The following DOK6 variants were observed in gnomAD, a reference collection of about 807,000 sequenced individuals.
DOK6 encodes docking protein 6.
Under a neutral mutation model 44.0 loss-of-function variants are expected in DOK6, and 22 were observed. That is an observed-to-expected ratio of 0.50 (90% CI 0.36 to 0.71). The LOEUF (loss-of-function observed/expected upper bound fraction) is 0.71, where lower values mean the gene tolerates loss of function less well. Ranked by LOEUF, DOK6 falls within the 30% of genes least tolerant of loss-of-function variation. The pLI is 0.00. For synonymous variants in DOK6, 166 were observed against 145.5 expected, an observed-to-expected ratio of 1.14 and a Z score of -1.01; for missense variants, 340 against 416.4, an observed-to-expected ratio of 0.82 and a Z score of 1.60.
intron 1 of DOK6, among the ~76,000 whole-genome samples, chr18:69,432,820 G>T (rs972510350): frequency 1.3e-5 from 2 of 152,066 alleles, no homozygotes; most frequent in African/African-American, 4.8e-5. Flanking sequence ...ATTTTAAAAA[G>T]ATTTCATTAG....
intron 2 of DOK6, among the ~76,000 whole-genome samples, chr18:69,587,853 T>C (rs901190504): frequency 3.3e-5 from 5 of 152,082 alleles, no homozygotes; most frequent in Admixed American, 6.6e-5. Context: ...ACTGATTTTC[T>C]GTATTTCCCA....
At chr18:69,751,226 T>A (rs999710676) in intron 6 of DOK6, among the ~76,000 whole-genome samples, 2 of 152,188 alleles carry the variant, frequency 1.3e-5, no homozygotes, top group East Asian at 1.9e-4. Context: ...ATTGTACATT[T>A]CAAAATTACC....
At chr18:69,510,074 T>TA (rs1981323105) in intron 1 of DOK6, among the ~76,000 whole-genome samples, 2 of 152,250 alleles carry the variant, frequency 1.3e-5, no homozygotes. Context: ...ACTACTTTGC[T>TA]AGGAGACTAA....
chr18:69,717,408 G>T (rs1185193239), intron 5 of DOK6, among the ~76,000 whole-genome samples: 1 of 152,104 alleles, frequency 6.6e-6, no homozygotes, highest in Non-Finnish European at 1.5e-5. Flanking sequence ...CTTAATAAGT[G>T]CTTATAAACA....
chr18:69,629,855 A>AATT, intron 3 of DOK6, among the ~76,000 whole-genome samples: 1 of 152,242 alleles, frequency 6.6e-6, no homozygotes. Context: ...CAGTGATGCG[A>AATT]TCTCAGCTCA....
intron 3 of DOK6, among the ~76,000 whole-genome samples, chr18:69,606,044 G>A (rs1250943058): frequency 6.6e-6 from 1 of 152,096 alleles, no homozygotes; most frequent in East Asian, 1.9e-4. Flanking sequence ...GGCCGAGGCA[G>A]GCAAATTACC....
chr18:69,505,004 G>A (rs369328750), intron 1 of DOK6, among the ~76,000 whole-genome samples: 1 of 152,062 alleles, frequency 6.6e-6, no homozygotes. Context: ...TTCACGTAAC[G>A]TTTATGATTG....
chr18:69,730,721 A>G (rs1978372455), intron 5 of DOK6, among the ~76,000 whole-genome samples: 1 of 152,242 alleles, frequency 6.6e-6, no homozygotes, highest in South Asian at 2.1e-4. Context: ...CATCTAGGTG[A>G]TTGCATTTGA....
chr18:69,663,895 A>C (rs766691746), intron 3 of DOK6, among the ~76,000 whole-genome samples: 2 of 152,224 alleles, frequency 1.3e-5, no homozygotes, highest in Non-Finnish European at 2.9e-5. Flanking sequence ...CAAGAGGACA[A>C]ATCCCATTCA....
rs529181573 is a variant in DOK6 at position 69,597,112 on chromosome 18, C to T, written c.175-2272C>T. ...ATATGATGTAATGTTGGGTTTGTAA[C>T]ATTTATATTAATAGATGCAATATGT... On this transcript the variant is annotated intron_variant, in intron 2 of 7. Coordinates refer to ENST00000382713, the MANE Select transcript of DOK6 (RefSeq NM_152721.6). 1.5e-4 allele frequency among the ~76,000 whole-genome samples: 23 copies of T among 151,798 alleles called. No homozygotes were observed. The South Asian group carries it at 4.8e-3, about 32-fold the overall frequency.
intron 1 of DOK6, among the ~76,000 whole-genome samples, chr18:69,423,300 T>C (rs917177268): frequency 2.2e-4 from 6 of 26,812 alleles, no homozygotes; most frequent in Non-Finnish European, 3.5e-4. Context: ...AGATCCTGTC[T>C]CAACAAACAA....
intron 2 of DOK6, among the ~76,000 whole-genome samples, chr18:69,568,407 T>C (rs2144601118): frequency 6.6e-6 from 1 of 152,174 alleles, no homozygotes; most frequent in East Asian, 1.9e-4. Context: ...CTGGACAAAA[T>C]ACAAAAACAA....
chr18:69,786,101 GA>G (rs1422555572), intron 7 of DOK6, among the ~76,000 whole-genome samples: 2 of 152,030 alleles, frequency 1.3e-5, no homozygotes, highest in African/African-American at 2.4e-5. Flanking sequence ...TGAGGAAGGG[GA>G]AAAAACACCT....
In DOK6 at chr18:69,420,503, T is replaced by A. The variant is rs111975996; in HGVS notation, c.66+19193T>A. 1.2e-3 allele frequency among the ~76,000 whole-genome samples: 190 copies of A among 152,254 alleles called. 1 individual carries two copies. The highest frequency in any genetic ancestry group is 3.8e-3 in the African/African-American group (160 of 41,568). ...ATTTATTTATTTATTTTTATTTTTT[T>A]AATTATACTTTAAGTTCTAGGGTAC... On this transcript the variant is annotated intron_variant, in intron 1 of 7. Transcript: ENST00000382713.
intron 1 of DOK6, among the ~76,000 whole-genome samples, chr18:69,543,045 G>A (rs1399437411): frequency 6.6e-6 from 1 of 151,584 alleles, no homozygotes. Flanking sequence ...TGATAACTAA[G>A]TACATGAAGT....
chr18:69,431,465 C>A (rs1004787764), intron 1 of DOK6, among the ~76,000 whole-genome samples: 1 of 152,124 alleles, frequency 6.6e-6, no homozygotes, highest in Non-Finnish European at 1.5e-5. Flanking sequence ...TGACAGCAAA[C>A]AAGATTTCTC....
chr18:69,416,409 A>G (rs1978342654), intron 1 of DOK6, among the ~76,000 whole-genome samples: 1 of 152,170 alleles, frequency 6.6e-6, no homozygotes, highest in African/African-American at 2.4e-5. Context: ...ATACACAAGT[A>G]TGATTTAATG....
intron 1 of DOK6, among the ~76,000 whole-genome samples, chr18:69,424,629 A>G (rs953664418): frequency 1.6e-5 from 1 of 61,382 alleles, no homozygotes; most frequent in Non-Finnish European, 3.6e-5. Flanking sequence ...TTTGTGACTT[A>G]TAATTTTTTG....
chr18:69,544,180 C>A (rs1982341065), intron 1 of DOK6, among the ~76,000 whole-genome samples: 1 of 151,156 alleles, frequency 6.6e-6, no homozygotes, highest in South Asian at 2.1e-4. Context: ...ATCACTTGAA[C>A]CCTGGAGGTA....
Sources: gnomAD v4.1 joint callset for allele counts (sites outside exome capture counted in the v4.1 genomes callset) on GRCh38, gnomAD v4.1.1 for gene constraint, MANE v1.5 for transcripts, NCBI Gene and HGNC (gene_info 2026-07-23, HGNC 2026-07-21) for gene names.